ABCC6: variants seen among roughly 807,000 people sequenced by gnomAD.
ABCC6 encodes ATP binding cassette subfamily C member 6.
A neutral mutation model predicts 169.5 loss-of-function variants in ABCC6; 126 were observed. The observed-to-expected ratio is 0.74, with a 90% CI of 0.64 to 0.86. ABCC6 has a LOEUF of 0.86. Among genes scored for constraint, ABCC6 ranks in the 40% least tolerant of loss-of-function variants. The probability of loss-of-function intolerance (pLI) is 0.00; values close to 1 mark genes in which losing one functional copy is unlikely to be tolerated. For synonymous variants in ABCC6, 752 were observed against 814.7 expected (o/e 0.92, Z 1.31); for missense variants, 1,733 against 1,927.2 (o/e 0.90, Z 1.89).
intron 8 of ABCC6, among the ~76,000 whole-genome samples, chr16:16,202,812 A>G (rs1477065966): frequency 6.6e-6 from 1 of 152,192 alleles, no homozygotes; most frequent in Non-Finnish European, 1.5e-5. Flanking sequence ...ATGTCAGCTG[A>G]GCAGACACCA....
At position 16,190,194 on chromosome 16, in the gene ABCC6, C is replaced by A; in HGVS notation, c.1605G>T (p.Ser535=). 2 of 1,613,966 alleles carry A rather than the reference C, an allele frequency of 1.2e-6. No individual in the cohort carries two copies. The highest frequency in any genetic ancestry group is 1.7e-6 in the Non-Finnish European group (2 of 1,180,022). Reference sequence around the variant, plus strand: ...ATGTAGACACTTGGAAGGACACCAGCGACACAGAGAAGAGGAGGCCGGAGG... The same window carrying A: ...ATGTAGACACTTGGAAGGACACCAGAGACACAGAGAAGAGGAGGCCGGAGG... ...LRTSGLLFSV[S]LVSFQVSTFL... Residue 535 remains serine (S), a synonymous_variant, in exon 12 of 31, where the codon TCG becomes TCT. Transcript: ENST00000205557.
At chr16:16,176,274 C>A (rs2239325) in intron 19 of ABCC6, among the ~76,000 whole-genome samples, 35,786 of 152,046 alleles carry the variant, frequency 0.24, 5,130 homozygotes, top group East Asian at 0.52. Context: ...CCTCTGTTTC[C>A]CCCAACAGCC....
intron 4 of ABCC6, among the ~76,000 whole-genome samples, chr16:16,216,010 C>G (rs2152297348): frequency 6.6e-6 from 1 of 152,246 alleles, no homozygotes; most frequent in Middle Eastern, 3.4e-3. Context: ...ACCTCCGTCT[C>G]CTGGATTCAA....
intron 10 of ABCC6, among the ~76,000 whole-genome samples, chr16:16,195,896 TACAATC>T (rs755260853): frequency 2.0e-5 from 3 of 152,074 alleles, no homozygotes; most frequent in Non-Finnish European, 4.4e-5. Context: ...ATTCAGCAAT[TACAATC>T]AAAATGCCAT....
Position 16,203,472 on chromosome 16 carries a change from G to A in ABCC6, c.936C>T (p.Leu312=), listed in dbSNP as rs1391921434. 9 of 1,613,984 alleles carry A rather than the reference G, an allele frequency of 5.6e-6. No individual in the cohort carries two copies. The highest frequency in any genetic ancestry group is 7.6e-6 in the Non-Finnish European group (9 of 1,179,878). The part of the protein sequence containing the change: ...AIWQVFHSTF[L]LGTLSLIISD... Reference sequence around the variant, plus strand: ...TGATGATGAGGCTGAGGGTCCCCAGGAGGAAGGTAGAATGGAACACCTGCC... The same window carrying A: ...TGATGATGAGGCTGAGGGTCCCCAGAAGGAAGGTAGAATGGAACACCTGCC... The change falls in exon 8 of 31, where the codon CTC becomes CTT. Residue 312 remains leucine (L), a synonymous_variant. Coordinates refer to ENST00000205557, the MANE Select transcript of ABCC6 (RefSeq NM_001171.6).
chr16:16,221,363 G>A, intron 2 of ABCC6: 5 of 1,424,680 alleles, frequency 3.5e-6, no homozygotes, highest in Non-Finnish European at 4.6e-6. Flanking sequence ...TACATGGTAT[G>A]TTTTGGAAAA....
chr16:16,192,013 GA>G (rs1312830045), intron 11 of ABCC6, among the ~76,000 whole-genome samples: 1 of 152,258 alleles, frequency 6.6e-6, no homozygotes, highest in Non-Finnish European at 1.5e-5. Flanking sequence ...GCTGTGGGGG[GA>G]AAAAAGCAAA....
In ABCC6 at chr16:16,182,562, C is replaced by A. The variant is rs72653784; in HGVS notation, c.2097G>T (p.Glu699Asp). Residue 699 changes from glutamate to aspartate, a missense_variant, in exon 17 of 31, where the codon GAG becomes GAT. Glu to Asp is a conservative substitution (Grantham distance 45, BLOSUM62 2). Around this residue, in one of 5 missense-constraint regions of ABCC6, gnomAD observed 1,601 missense variants for 1,635.5 expected, o/e 0.98. Transcript: ENST00000205557. ...CCACAGAGGTGTTCTGCACCCAGGC[C>A]TCCTGGGGCACGTAGGCCACAGCAC... ...IEGAVAYVPQEAWVQNTSVVE... is the reference protein window; with the variant it reads ...IEGAVAYVPQDAWVQNTSVVE... The A allele has an allele frequency of 2.6e-5, 42 of 1,612,992 alleles. No individual in the cohort carries two copies. The highest frequency in any genetic ancestry group is 3.5e-5 in the Non-Finnish European group (41 of 1,179,176).
intron 21 of ABCC6, 122 bp from the exon 22 acceptor site, chr16:16,169,975 C>T: frequency 1.0e-6 from 1 of 991,728 alleles, no homozygotes; most frequent in Non-Finnish European, 1.5e-6. Context: ...CCACGCAGAC[C>T]TCACTGGTTC....
intron 14 of ABCC6, 28 bp downstream of exon 14, chr16:16,187,096 C>A: frequency 6.3e-7 from 1 of 1,596,548 alleles, no homozygotes; most frequent in South Asian, 1.1e-5. Flanking sequence ...ATCCCTCCCA[C>A]ACCCCTCCTG....
Position 16,149,930 on chromosome 16 carries a change from G to T in ABCC6, c.*203C>A. 1 of 757,914 alleles carries T rather than the reference G, an allele frequency of 1.3e-6. No homozygotes were observed. The highest frequency in any genetic ancestry group is 1.7e-5 in the African/African-American group (1 of 58,526). The allele number at this position is 757,914 out of a possible 1,614,324, so 46.9% of individuals were successfully genotyped here. A position where few individuals can be genotyped will look rare whatever the true frequency, so the allele number is the denominator to read the frequency against. On this transcript the variant is annotated 3_prime_UTR_variant, in exon 31 of 31. Coordinates refer to ENST00000205557, the MANE Select transcript of ABCC6 (RefSeq NM_001171.6). ...GACAGGGCGAGATGGGCCCTGCCCG[G>T]GCAGACCTGTGTATTGCTAGGTCCT...
rs566656665 is a variant in ABCC6, at chr16:16,214,458, G to A, written c.475-9C>T. On this transcript the variant is annotated splice_polypyrimidine_tract_variant and intron_variant, in intron 4 of 30. Transcript: ENST00000205557. ...GGGTCGCTCTGGAAGCCCTGTGGGAGGGAAAGCAGAAGATAAGGAATGGAG... is the reference window on the plus strand; with the variant it reads ...GGGTCGCTCTGGAAGCCCTGTGGGAAGGAAAGCAGAAGATAAGGAATGGAG... The A allele has an allele frequency of 2.6e-6, 4 of 1,551,910 alleles. No individual in the cohort carries two copies. In the South Asian group the frequency reaches 4.8e-5, roughly 18 times the overall value.
chr16:16,197,589 G>A (rs1028133650), intron 10 of ABCC6, among the ~76,000 whole-genome samples: 10 of 149,410 alleles, frequency 6.7e-5, no homozygotes, highest in Admixed American at 5.4e-4. Context: ...AGAAGGTGGA[G>A]CAGGAGAGAG....
chr16:16,214,247 T>C, intron 5 of ABCC6, 77 bp downstream of exon 5: 1 of 1,545,050 alleles, frequency 6.5e-7, no homozygotes, highest in South Asian at 1.2e-5. Context: ...AATAAAAAAA[T>C]TAAAGACTTT....
intron 9 of ABCC6, among the ~76,000 whole-genome samples, chr16:16,199,459 T>C (rs4781740): frequency 0.01 from 1,042 of 100,966 alleles, 20 homozygotes; most frequent in Admixed American, 0.015. Context: ...AGACCTTTCA[T>C]GTGCTTCTGT....
chr16:16,207,012 C>T (rs1213873628), intron 7 of ABCC6, among the ~76,000 whole-genome samples: 18 of 152,294 alleles, frequency 1.2e-4, no homozygotes, highest in South Asian at 8.3e-4. Context: ...TGGTGGCACA[C>T]GCCTGTGGTC....
Position 16,150,219 on chromosome 16 carries a change from G to A in ABCC6, c.4426C>T (p.Gln1476Ter). Residue 1476 changes from glutamine (Q) to a stop codon, truncating the protein, a stop_gained, in exon 31 of 31, where the codon CAG becomes TAG. Transcript: ENST00000205557. LOFTEE classifies it high-confidence loss of function. ...GCCGGGCTGCCGCTCTCTGCCACCTGCCCCTTGTCCATGACCAGAACCCTG... is the reference window on the plus strand; with the variant it reads ...GCCGGGCTGCCGCTCTCTGCCACCTACCCCTTGTCCATGACCAGAACCCTG... ...CARVLVMDKGQVAESGSPAQL... is the reference protein window; with the variant it reads ...CARVLVMDKG The A allele has an allele frequency of 1.2e-6, 2 of 1,614,024 alleles. No individual in the cohort carries two copies. The highest frequency in any genetic ancestry group is 1.1e-5 in the South Asian group (1 of 91,080).
intron 22 of ABCC6, among the ~76,000 whole-genome samples, chr16:16,167,779 T>C (rs181301322): frequency 6.6e-6 from 1 of 152,158 alleles, no homozygotes; most frequent in African/African-American, 2.4e-5. Flanking sequence ...TGGAGCTGAA[T>C]TTTTTATTCT....
intron 2 of ABCC6, among the ~76,000 whole-genome samples, chr16:16,221,035 A>T (rs1486416582): frequency 6.6e-6 from 1 of 152,036 alleles, no homozygotes; most frequent in Non-Finnish European, 1.5e-5. Context: ...AATACTGTGT[A>T]CCGCTTGGCT....
Sources: allele counts gnomAD v4.1 joint callset (sites outside exome capture counted in the v4.1 genomes callset), GRCh38; gene constraint gnomAD v4.1.1; regional missense constraint gnomAD v4.1.1; transcripts MANE v1.5; gene names NCBI Gene and HGNC (gene_info 2026-07-23, HGNC 2026-07-21).